Variants in HYDIN observed in about 807,000 individuals in gnomAD.
HYDIN encodes HYDIN axonemal central pair apparatus protein.
Under a neutral mutation model 403.9 loss-of-function variants are expected in HYDIN, and 132 were observed. The observed-to-expected ratio is 0.33, with a 90% confidence interval of 0.28 to 0.38. The LOEUF is 0.38. Ranked by LOEUF, HYDIN falls within the 10% of genes least tolerant of loss-of-function variation. The probability of loss-of-function intolerance (pLI) is 1.00; values close to 1 mark genes in which losing one functional copy is unlikely to be tolerated. For missense variants in HYDIN, 2,827 were observed against 5,009.5 expected, an observed-to-expected ratio of 0.56 and a Z score of 13.15; for synonymous variants, 1,202 against 1,891.7, an observed-to-expected ratio of 0.64 and a Z score of 9.46.
At chr16:70,896,804 GC>G (rs1269721578) in intron 53 of HYDIN, among the ~76,000 whole-genome samples, 1 of 121,876 alleles carries the variant, frequency 8.2e-6, no homozygotes, top group African/African-American at 3.4e-5. Context: ...TTGTGGCTCA[GC>G]CTGTGGGGAA....
intron 18 of HYDIN, among the ~76,000 whole-genome samples, chr16:71,049,898 T>C (rs1262243912): frequency 7.0e-6 from 1 of 142,806 alleles, no homozygotes; most frequent in African/African-American, 2.6e-5. Context: ...AATTGAAACA[T>C]ACTGAAGAGG....
rs547368026 is a variant in HYDIN at position 70,967,435 on chromosome 16, G to A, written c.5620-2539C>T. Reference sequence around the variant, plus strand: ...AACTGAACTCCCACCTCAGCCCCTCGAGTAGCTGGAACTATAAGCATGTGT... The same window carrying A: ...AACTGAACTCCCACCTCAGCCCCTCAAGTAGCTGGAACTATAAGCATGTGT... On this transcript the variant is annotated intron_variant, in intron 36 of 85. Transcript: ENST00000393567. Among the ~76,000 whole-genome samples, 26 of 150,958 alleles carry A rather than the reference G, an allele frequency of 1.7e-4. No homozygotes were observed. In the East Asian group the frequency reaches 4.1e-3, roughly 24 times the overall value.
intron 47 of HYDIN, among the ~76,000 whole-genome samples, chr16:70,909,756 T>C (rs1281590854): frequency 6.9e-6 from 1 of 144,168 alleles, no homozygotes. Flanking sequence ...AGTGCAGTGG[T>C]GCCATCTCAG....
chr16:70,951,008 G>A (rs559941252), intron 41 of HYDIN, among the ~76,000 whole-genome samples: 155 of 152,258 alleles, frequency 1.0e-3, no homozygotes, highest in South Asian at 3.5e-3. Flanking sequence ...GCAGAGCCAG[G>A]AGGATCGCTT....
chr16:70,877,867 T>C (rs1180056924), intron 62 of HYDIN, among the ~76,000 whole-genome samples: 1 of 152,012 alleles, frequency 6.6e-6, no homozygotes, highest in Non-Finnish European at 1.5e-5. Flanking sequence ...TCCCATTTGC[T>C]GAAAGAAAAC....
In HYDIN at chr16:70,952,469, G is replaced by A; in HGVS notation, c.6483C>T (p.Gly2161=). 6.7e-7 allele frequency: 1 copy of A among 1,502,440 alleles called. No individual in the cohort carries two copies. The allele number at this position is 1,502,440 out of a possible 1,614,324, so 93.1% of individuals were successfully genotyped here. A position where few individuals can be genotyped will look rare whatever the true frequency, so the allele number is the denominator to read the frequency against. The change falls in exon 41 of 86, where the codon GGC becomes GGT. Residue 2161 remains glycine (G), a synonymous_variant. Transcript: ENST00000393567. The part of the protein sequence containing the change: ...VITKSKADSH[G]SGSQKQHHSH... ...AGTGATGCTGCTTCTGTGACCCGGAGCCATGGCTGTCTGCCTTGCTTTTGG... is the reference window on the plus strand; with the variant it reads ...AGTGATGCTGCTTCTGTGACCCGGAACCATGGCTGTCTGCCTTGCTTTTGG...
At chr16:71,135,878 G>A (rs1476790819) in intron 8 of HYDIN, among the ~76,000 whole-genome samples, 3 of 147,618 alleles carry the variant, frequency 2.0e-5, no homozygotes, top group African/African-American at 7.5e-5. Context: ...GGCCCACTGT[G>A]TCCTGTCATT....
chr16:70,945,866 C>T (rs1342272795), intron 41 of HYDIN, among the ~76,000 whole-genome samples: 3 of 152,012 alleles, frequency 2.0e-5, no homozygotes, highest in Non-Finnish European at 4.4e-5. Flanking sequence ...GGACAAAGGC[C>T]CCACTGGAAG....
chr16:70,812,802 G>A (rs1192348395), intron 84 of HYDIN, among the ~76,000 whole-genome samples: 1 of 152,076 alleles, frequency 6.6e-6, no homozygotes, highest in African/African-American at 2.4e-5. Context: ...GGCCCAAGAT[G>A]GTCCTCAATA....
chr16:70,901,310 T>C (rs1238771371), intron 52 of HYDIN, 108 bp from the exon 53 acceptor site: 1 of 669,796 alleles, frequency 1.5e-6, no homozygotes, highest in African/African-American at 1.8e-5. Flanking sequence ...AGGTTTGTTG[T>C]ATAGGTAAAC....
At chr16:70,894,173 C>T in intron 55 of HYDIN, 1 of 454,328 alleles carries the variant, frequency 2.2e-6, no homozygotes, top group Non-Finnish European at 3.8e-6. Context: ...CTTAAAGGCC[C>T]CTGTTAAGCT....
At chr16:70,981,765 C>T (rs868091992) in intron 28 of HYDIN, among the ~76,000 whole-genome samples, 197 bp from the exon 29 acceptor site, 2 of 151,800 alleles carry the variant, frequency 1.3e-5, no homozygotes, top group Non-Finnish European at 2.9e-5. Context: ...TGAAAAAAGA[C>T]GAATAAAATA....
chr16:71,070,782 T>C (rs552511980), intron 13 of HYDIN, among the ~76,000 whole-genome samples: 1 of 128,666 alleles, frequency 7.8e-6, no homozygotes, highest in Non-Finnish European at 1.6e-5. Flanking sequence ...TGTAATAAAA[T>C]GTACTTGGTC....
chr16:71,039,322 C>G (rs942178399), intron 18 of HYDIN, among the ~76,000 whole-genome samples: 9 of 152,200 alleles, frequency 5.9e-5, no homozygotes, highest in Admixed American at 2.0e-4. Context: ...ATTTTCCAAA[C>G]TTCCCATCCA....
At chr16:70,932,973 C>G (rs1337734788) in intron 45 of HYDIN, among the ~76,000 whole-genome samples, 1 of 151,900 alleles carries the variant, frequency 6.6e-6, no homozygotes, top group East Asian at 1.9e-4. Context: ...CACTTTTGGT[C>G]TCTCCACTAT....
chr16:71,027,427 A>C, intron 20 of HYDIN, 175 bp downstream of exon 20: 1 of 1,493,728 alleles, frequency 6.7e-7, no homozygotes, highest in Non-Finnish European at 8.8e-7. Flanking sequence ...TTGAAGACTG[A>C]GCAGAGCTGC....
chr16:70,875,728 G>A (rs1208195114), intron 62 of HYDIN, among the ~76,000 whole-genome samples: 1 of 152,144 alleles, frequency 6.6e-6, no homozygotes, highest in East Asian at 1.9e-4. Context: ...AATGTTCCTG[G>A]TGGAGAGTCT....
At chr16:70,887,317 C>T (rs1002046922) in intron 58 of HYDIN, among the ~76,000 whole-genome samples, 4 of 151,888 alleles carry the variant, frequency 2.6e-5, no homozygotes, top group African/African-American at 4.8e-5. Flanking sequence ...AATGTAATCA[C>T]AAGGGTCCTT....
chr16:71,137,886 TAAAAC>T (rs55688728), intron 7 of HYDIN, among the ~76,000 whole-genome samples: 4,158 of 150,248 alleles, frequency 0.028, 171 homozygotes, highest in African/African-American at 0.091. Context: ...AAACAGCAAT[TAAAAC>T]AAAACAAAAC....
Sources: gnomAD v4.1 joint callset for allele counts (sites outside exome capture counted in the v4.1 genomes callset) on GRCh38, gnomAD v4.1.1 for gene constraint, MANE v1.5 for transcripts, NCBI Gene and HGNC (gene_info 2026-07-23, HGNC 2026-07-21) for gene names.